The following SLC25A48 variants were observed in gnomAD, a reference collection of about 807,000 sequenced individuals.
The protein encoded by SLC25A48 is CTC-321K16.1.
SLC25A48 carries 29 observed loss-of-function variants against 32.2 expected under a neutral mutation model. The observed-to-expected ratio is 0.90, with a 90% confidence interval of 0.67 to 1.23. SLC25A48 has a LOEUF of 1.23. Ranked by LOEUF, SLC25A48 falls within the 50% of genes most tolerant of loss-of-function variation. The pLI is 0.00. For missense variants in SLC25A48, 399 were observed against 422.7 expected (o/e 0.94, Z 0.49); for synonymous variants, 164 against 172.3 (o/e 0.95, Z 0.38).
At chr5:135,873,918 C>T in intron 5 of SLC25A48, 103 bp from the exon 6 acceptor site, 1 of 1,292,040 alleles carries the variant, frequency 7.7e-7, no homozygotes, top group East Asian at 2.8e-5. Flanking sequence ...TCTGTCCCTT[C>T]TCCCAGCTTA....
chr5:135,598,962 T>C (rs933908377), intron 1 of SLC25A48, among the ~76,000 whole-genome samples: 1 of 152,192 alleles, frequency 6.6e-6, no homozygotes. Context: ...CTGGATTCTA[T>C]TTAACTCTTA....
chr5:135,606,159 A>G (rs181624460), intron 1 of SLC25A48, among the ~76,000 whole-genome samples: 19 of 152,290 alleles, frequency 1.2e-4, no homozygotes, highest in Admixed American at 1.2e-3. Flanking sequence ...ACAGAGACCC[A>G]GTTATTTGGA....
At chr5:135,769,786 A>C (rs1561484167) in intron 3 of SLC25A48, among the ~76,000 whole-genome samples, 1 of 151,446 alleles carries the variant, frequency 6.6e-6, no homozygotes, top group Non-Finnish European at 1.5e-5. Flanking sequence ...TAGATCCAGA[A>C]AAAGAGAGGA....
At chr5:135,599,724 C>T (rs971270327) in intron 1 of SLC25A48, among the ~76,000 whole-genome samples, 2 of 152,152 alleles carry the variant, frequency 1.3e-5, no homozygotes, top group Non-Finnish European at 2.9e-5. Context: ...TATTTCCTTC[C>T]TTCCTTCCTT....
intron 3 of SLC25A48, among the ~76,000 whole-genome samples, chr5:135,752,713 C>T (rs1226219238): frequency 6.6e-6 from 1 of 151,736 alleles, no homozygotes; most frequent in Non-Finnish European, 1.5e-5. Flanking sequence ...TAATATCTCC[C>T]TATGATATTA....
chr5:135,664,028 G>T (rs1246765969), intron 3 of SLC25A48, among the ~76,000 whole-genome samples: 1 of 152,178 alleles, frequency 6.6e-6, no homozygotes, highest in African/African-American at 2.4e-5. Flanking sequence ...TGTATTCTCT[G>T]CAGTCAAGAG....
Position 135,629,735 on chromosome 5 carries a change from A to C in SLC25A48, c.-709+359A>C, listed in dbSNP as rs1752513773. Among the ~76,000 whole-genome samples, 1 of 152,172 alleles carries C rather than the reference A, an allele frequency of 6.6e-6. No individual in the cohort carries two copies. Among genetic ancestry groups the C allele is most frequent in the Non-Finnish European group, 1.5e-5 (1 of 68,012 alleles). Reference sequence around the variant, plus strand: ...GAGGGAGCTGGGGCATTGATCCTTCAACTCCCCATCCATCATGGGTGGAGG... The same window carrying C: ...GAGGGAGCTGGGGCATTGATCCTTCCACTCCCCATCCATCATGGGTGGAGG... On this transcript the variant is annotated intron_variant, in intron 2 of 10. Coordinates refer to the SLC25A48 transcript ENST00000646290. The surrounding 1 kb of genome is among the most constrained non-coding windows in gnomAD (Gnocchi z 4.8).
chr5:135,875,537 T>C (rs1042979047), intron 6 of SLC25A48: 5 of 152,244 alleles, frequency 3.3e-5, no homozygotes, highest in Non-Finnish European at 7.3e-5. Context: ...TATTCAATCA[T>C]GGATCAATCA....
intron 4 of SLC25A48, among the ~76,000 whole-genome samples, chr5:135,860,199 T>C (rs1358274128): frequency 1.3e-5 from 2 of 152,248 alleles, no homozygotes; most frequent in African/African-American, 2.4e-5. Flanking sequence ...ATTTTCTCAC[T>C]GATCTAATTT....
intron 3 of SLC25A48, among the ~76,000 whole-genome samples, chr5:135,689,043 T>C (rs1484545711): frequency 6.6e-6 from 1 of 152,168 alleles, no homozygotes; most frequent in Non-Finnish European, 1.5e-5. Context: ...GATTAATTAA[T>C]AAGATCAAGG....
intron 3 of SLC25A48, among the ~76,000 whole-genome samples, chr5:135,724,885 G>A (rs1340950177): frequency 1.3e-5 from 2 of 152,258 alleles, no homozygotes; most frequent in African/African-American, 4.8e-5. Flanking sequence ...GCCCAGTGTG[G>A]TGAACAGAGG....
At chr5:135,702,740 A>G (rs189817025) in intron 3 of SLC25A48, among the ~76,000 whole-genome samples, 112 of 152,368 alleles carry the variant, frequency 7.4e-4, no homozygotes, top group African/African-American at 2.5e-3. Context: ...AAAGCCAGGA[A>G]GCCTGTACAA....
At chr5:135,785,558 G>C (rs974498251) in intron 3 of SLC25A48, among the ~76,000 whole-genome samples, 1 of 151,266 alleles carries the variant, frequency 6.6e-6, no homozygotes, top group Non-Finnish European at 1.5e-5. Context: ...ATATCCAGGG[G>C]GGGAGAGGGT....
chr5:135,777,455 A>G (rs1756594385), intron 3 of SLC25A48, among the ~76,000 whole-genome samples: 1 of 151,736 alleles, frequency 6.6e-6, no homozygotes, highest in South Asian at 2.1e-4. Flanking sequence ...CAGTAAGTGT[A>G]CATCCCCCCT....
chr5:135,850,711 C>T (rs1759784147), intron 3 of SLC25A48, among the ~76,000 whole-genome samples: 1 of 152,232 alleles, frequency 6.6e-6, no homozygotes, highest in Admixed American at 6.5e-5. Flanking sequence ...TGAGGAAAAA[C>T]TCCAGTTGTG....
chr5:135,604,700 G>A (rs567977158), intron 1 of SLC25A48, among the ~76,000 whole-genome samples: 2 of 152,276 alleles, frequency 1.3e-5, no homozygotes, highest in South Asian at 4.1e-4. Flanking sequence ...TGACTAGAGG[G>A]GACTTTGAGG....
intron 3 of SLC25A48, among the ~76,000 whole-genome samples, chr5:135,653,101 C>T (rs1753155758): frequency 6.6e-6 from 1 of 152,162 alleles, no homozygotes; most frequent in Admixed American, 6.5e-5. Flanking sequence ...AGCAAGAAGG[C>T]CCACACAAGA....
chr5:135,796,988 C>T (rs963121193), intron 3 of SLC25A48, among the ~76,000 whole-genome samples: 3 of 151,628 alleles, frequency 2.0e-5, no homozygotes, highest in Non-Finnish European at 4.4e-5. Context: ...TTTTCACCCC[C>T]CCATGATATT....
intron 3 of SLC25A48, among the ~76,000 whole-genome samples, chr5:135,697,003 A>G (rs1468827780): frequency 6.6e-6 from 1 of 152,238 alleles, no homozygotes; most frequent in African/African-American, 2.4e-5. Context: ...AAGAAGAGAA[A>G]GAAGCAGAAT....
Sources: allele counts gnomAD v4.1 joint callset (sites outside exome capture counted in the v4.1 genomes callset), GRCh38; gene constraint gnomAD v4.1.1; non-coding constraint Gnocchi (gnomAD v3.1); transcripts MANE v1.5; gene names NCBI Gene and HGNC (gene_info 2026-07-23, HGNC 2026-07-21).